TUNAR: variants seen among roughly 807,000 people sequenced by gnomAD.
TUNAR encodes transmembrane neural differentiation associated intracellular calcium regulator.
At chr14:95,891,447 G>A (rs989276574) in intron 2 of TUNAR, among the ~76,000 whole-genome samples, 1 of 152,156 alleles carries the variant, frequency 6.6e-6, no homozygotes, top group East Asian at 1.9e-4. Context: ...AAACCCCTTC[G>A]GGGGCACAGG....
At position 95,923,570 on chromosome 14, in the gene TUNAR, A is replaced by G. The variant is rs1205346277; in HGVS notation, c.*604A>G. The G allele has an allele frequency of 2.0e-5, 3 of 152,200 alleles. No homozygotes were observed. In the East Asian group the frequency reaches 5.8e-4, roughly 29 times the overall value. The allele number at this position is 152,200 out of a possible 1,614,324, so 9.4% of individuals were successfully genotyped here. Reference sequence around the variant, plus strand: ...TAATAAATGTGCTCTATTTTTTAGCATGAACCAAATACTTGGAGAGGCACT... The same window carrying G: ...TAATAAATGTGCTCTATTTTTTAGCGTGAACCAAATACTTGGAGAGGCACT... On this transcript the variant is annotated 3_prime_UTR_variant, in exon 3 of 3. Coordinates refer to ENST00000678517, the Ensembl canonical transcript of TUNAR.
intron 2 of TUNAR, among the ~76,000 whole-genome samples, chr14:95,902,678 G>A (rs75622971): frequency 2.6e-5 from 4 of 152,246 alleles, no homozygotes; most frequent in African/African-American, 9.6e-5. Flanking sequence ...GGGATGGGGT[G>A]GGGGAGCCTG....
intron 1 of TUNAR, 110 bp from the exon 1 acceptor site, chr14:95,876,722 C>T (rs998615301): frequency 6.6e-6 from 1 of 152,264 alleles, no homozygotes; most frequent in South Asian, 2.1e-4. Context: ...CTCGGCGCCC[C>T]GCTGGGCGCG....
chr14:95,906,204 G>A (rs1263379909), intron 2 of TUNAR, among the ~76,000 whole-genome samples: 1 of 152,168 alleles, frequency 6.6e-6, no homozygotes, highest in Non-Finnish European at 1.5e-5. Flanking sequence ...TTGGGTGCCA[G>A]GTATGTTTAT....
intron 2 of TUNAR, among the ~76,000 whole-genome samples, chr14:95,884,949 G>A (rs1889051497): frequency 6.6e-6 from 1 of 152,146 alleles, no homozygotes; most frequent in African/African-American, 2.4e-5. Context: ...TGGGGCCTAG[G>A]TTAAGCAAAC....
chr14:95,918,538 T>G (rs1295136615), intron 2 of TUNAR, among the ~76,000 whole-genome samples: 2 of 152,182 alleles, frequency 1.3e-5, no homozygotes, highest in Non-Finnish European at 2.9e-5. Flanking sequence ...TACAGGGGAA[T>G]TGAAGTTTCC....
intron 2 of TUNAR, among the ~76,000 whole-genome samples, chr14:95,903,006 C>A (rs959681640): frequency 5.3e-5 from 8 of 152,130 alleles, no homozygotes; most frequent in Admixed American, 2.6e-4. Flanking sequence ...AAATGTGTAC[C>A]AGACATCATG....
At chr14:95,897,417 C>T (rs1445943634) in intron 2 of TUNAR, among the ~76,000 whole-genome samples, 1 of 152,204 alleles carries the variant, frequency 6.6e-6, no homozygotes, top group Non-Finnish European at 1.5e-5. Flanking sequence ...CTCCTTATTT[C>T]ATAAGGTGAG....
chr14:95,905,356 C>G (rs1889415135), intron 2 of TUNAR, among the ~76,000 whole-genome samples: 2 of 152,220 alleles, frequency 1.3e-5, no homozygotes, highest in Non-Finnish European at 2.9e-5. Context: ...TCCTTATTCC[C>G]CTCCAATCTG....
chr14:95,897,492 T>G (rs1272853052), intron 2 of TUNAR, among the ~76,000 whole-genome samples: 1 of 152,228 alleles, frequency 6.6e-6, no homozygotes, highest in Admixed American at 6.5e-5. Flanking sequence ...ACCTGCTACT[T>G]TCAGGCTGAC....
At chr14:95,896,055 C>G (rs1889259518) in intron 2 of TUNAR, 1 of 152,218 alleles carries the variant, frequency 6.6e-6, no homozygotes, top group African/African-American at 2.4e-5. Flanking sequence ...ATTATTGAAT[C>G]CTTGAGAAAG....
At chr14:95,882,265 A>G (rs1435578634) in intron 2 of TUNAR, among the ~76,000 whole-genome samples, 1 of 144,260 alleles carries the variant, frequency 6.9e-6, no homozygotes, top group Non-Finnish European at 1.6e-5. Flanking sequence ...TAGATTTCTA[A>G]CATGTGTAGT....
Position 95,891,861 on chromosome 14 carries a change from C to T in TUNAR, c.12+14684C>T, listed in dbSNP as rs189011726. Among the ~76,000 whole-genome samples the T allele has an allele frequency of 3.2e-3, 483 of 152,340 alleles. 1 individual carries two copies. The highest frequency in any genetic ancestry group is 0.011 in the African/African-American group (447 of 41,568). On this transcript the variant is annotated intron_variant, in intron 2 of 2. Transcript: ENST00000678517. ...CCAGGGCAGGATCCCTGTCTCCTCCCGGTTGCTGGTGGTTGCCTGCAATCC... is the reference window on the plus strand; with the variant it reads ...CCAGGGCAGGATCCCTGTCTCCTCCTGGTTGCTGGTGGTTGCCTGCAATCC...
chr14:95,890,396 G>T (rs569114539), intron 2 of TUNAR, among the ~76,000 whole-genome samples: 1 of 152,252 alleles, frequency 6.6e-6, no homozygotes, highest in Admixed American at 6.5e-5. Context: ...CCCTACATTT[G>T]TGTGGCCTCA....
At chr14:95,898,247 C>T (rs991843770) in intron 2 of TUNAR, among the ~76,000 whole-genome samples, 13 of 152,274 alleles carry the variant, frequency 8.5e-5, no homozygotes, top group East Asian at 1.9e-4. Flanking sequence ...ATGAGAAGTC[C>T]GATGCCTGGT....
At chr14:95,897,679 G>C (rs139758535) in intron 2 of TUNAR, among the ~76,000 whole-genome samples, 99 of 152,306 alleles carry the variant, frequency 6.5e-4, no homozygotes, top group African/African-American at 2.3e-3. Context: ...CTTCTCTGGA[G>C]ATCAATGCCA....
intron 2 of TUNAR, among the ~76,000 whole-genome samples, chr14:95,884,427 G>A (rs150585492): frequency 1.8e-3 from 280 of 152,246 alleles, no homozygotes; most frequent in African/African-American, 6.4e-3. Flanking sequence ...CTGGTAGGTG[G>A]GGCACAACCC....
chr14:95,894,807 A>G (rs894283502), intron 2 of TUNAR, among the ~76,000 whole-genome samples: 9 of 152,206 alleles, frequency 5.9e-5, no homozygotes, highest in Admixed American at 4.6e-4. Context: ...GTCAGATGGG[A>G]TTGGGATGAC....
exon 3 of TUNAR, chr14:95,924,531 T>C (rs1356440885): frequency 3.3e-5 from 5 of 152,342 alleles, no homozygotes; most frequent in Non-Finnish European, 7.3e-5. Context: ...CTGGGCAATT[T>C]ACAAAGAAAG....
Sources: gnomAD v4.1 joint callset for allele counts (sites outside exome capture counted in the v4.1 genomes callset) on GRCh38, gnomAD v4.1.1 for gene constraint, MANE v1.5 for transcripts, NCBI Gene and HGNC (gene_info 2026-07-23, HGNC 2026-07-21) for gene names.